The following ZBTB44 variants were observed in gnomAD, a reference collection of about 807,000 sequenced individuals.
ZBTB44 encodes zinc finger and BTB domain-containing protein 44.
In ZBTB44, 15 loss-of-function variants were observed where a neutral mutation model predicts 54.0. That is an observed-to-expected ratio of 0.28 (90% CI 0.19 to 0.43). The LOEUF is 0.43. Ranked by LOEUF, ZBTB44 falls within the 20% of genes least tolerant of loss-of-function variation. The pLI is 1.00. For synonymous variants in ZBTB44, 230 were observed against 250.1 expected, an observed-to-expected ratio of 0.92 and a Z score of 0.76; for missense variants, 487 against 707.1, an observed-to-expected ratio of 0.69 and a Z score of 3.53.
At chr11:130,236,034 T>A in intron 5 of ZBTB44, 1 of 1,050,098 alleles carries the variant, frequency 9.5e-7, no homozygotes, top group South Asian at 2.3e-5. Context: ...CCTACAGAAG[T>A]ACAATTCTTA....
intron 1 of ZBTB44, among the ~76,000 whole-genome samples, chr11:130,279,637 C>T (rs1188047261): frequency 6.6e-6 from 1 of 151,390 alleles, no homozygotes; most frequent in Non-Finnish European, 1.5e-5. Context: ...TCAGCCTGGA[C>T]AACAGAGCGA....
At chr11:130,263,105 G>T (rs1042138827) in intron 1 of ZBTB44, among the ~76,000 whole-genome samples, 6 of 152,194 alleles carry the variant, frequency 3.9e-5, no homozygotes, top group African/African-American at 1.4e-4. Flanking sequence ...AAGACAAAAT[G>T]ATCAATTTGA....
chr11:130,241,517 C>T (rs901365644), intron 2 of ZBTB44, among the ~76,000 whole-genome samples: 3 of 152,138 alleles, frequency 2.0e-5, no homozygotes, highest in Admixed American at 6.5e-5. Context: ...CACATATTTA[C>T]GGAATCTCCC....
intron 1 of ZBTB44, among the ~76,000 whole-genome samples, chr11:130,264,218 AC>A (rs1432340397): frequency 6.6e-6 from 1 of 152,242 alleles, no homozygotes; most frequent in East Asian, 1.9e-4. Flanking sequence ...GTAACTAGTA[AC>A]ATAATCAATG....
intron 1 of ZBTB44, among the ~76,000 whole-genome samples, chr11:130,293,636 A>G (rs970190755): frequency 2.3e-4 from 35 of 151,524 alleles, no homozygotes; most frequent in African/African-American, 4.4e-4. Context: ...AAAAAAAAAA[A>G]AAAGAAAGAA....
At chr11:130,308,630 C>G (rs1942407119) in intron 1 of ZBTB44, among the ~76,000 whole-genome samples, 1 of 152,196 alleles carries the variant, frequency 6.6e-6, no homozygotes, top group Non-Finnish European at 1.5e-5. Context: ...ATTATCAACA[C>G]TGTATTAGTT....
intron 1 of ZBTB44, among the ~76,000 whole-genome samples, chr11:130,287,119 C>G (rs1324012275): frequency 2.6e-5 from 4 of 152,192 alleles, no homozygotes; most frequent in African/African-American, 9.6e-5. Context: ...TAACATACCA[C>G]TACAGAATTT....
rs114141030 is a variant in ZBTB44, at chr11:130,307,482, A to G, written c.-57+6893T>C. ...TTATCACATACCTATCCATCCATCA[A>G]TCCATCTTGATTTTTACTCTACTTT... is the stretch of plus-strand genomic sequence containing the variant. On this transcript the variant is annotated intron_variant, in intron 1 of 7. Transcript: ENST00000357899. Among the ~76,000 whole-genome samples, 392 of 152,104 alleles carry G rather than the reference A, an allele frequency of 2.6e-3. 3 individuals are homozygous for G. Among genetic ancestry groups the G allele is most frequent in the African/African-American group, 9.0e-3 (375 of 41,492 alleles).
chr11:130,245,886 C>A (rs544173067), intron 2 of ZBTB44, among the ~76,000 whole-genome samples: 3 of 152,194 alleles, frequency 2.0e-5, no homozygotes, highest in Non-Finnish European at 4.4e-5. Flanking sequence ...TTGAAAAGAA[C>A]TAAAATGCAG....
At chr11:130,236,123 C>T (rs1220887028) in intron 5 of ZBTB44, 24 of 1,284,390 alleles carry the variant, frequency 1.9e-5, no homozygotes, top group African/African-American at 1.7e-4. Context: ...TTATCTTTCT[C>T]TAAGTTTCAA....
At chr11:130,304,102 A>G (rs2134474977) in intron 1 of ZBTB44, among the ~76,000 whole-genome samples, 1 of 152,308 alleles carries the variant, frequency 6.6e-6, no homozygotes, top group South Asian at 2.1e-4. Flanking sequence ...TACAATCATT[A>G]TTTTAAATCC....
intron 1 of ZBTB44, among the ~76,000 whole-genome samples, chr11:130,274,372 C>A (rs1207452524): frequency 6.6e-6 from 1 of 152,100 alleles, no homozygotes; most frequent in African/African-American, 2.4e-5. Context: ...GCCTAATTTC[C>A]TTACCTAGAG....
rs1591911317 is a variant in ZBTB44, at chr11:130,230,469, C to A, written c.*1295G>T. On this transcript the variant is annotated 3_prime_UTR_variant, in exon 8 of 8. Transcript: ENST00000357899. Reference sequence around the variant, plus strand: ...TAAGAACAAAGGGCATGTGTCGTAACAGGGGATCTAATTACTGTAAGCCAG... The same window carrying A: ...TAAGAACAAAGGGCATGTGTCGTAAAAGGGGATCTAATTACTGTAAGCCAG... The A allele has an allele frequency of 9.0e-6, 1 of 110,756 alleles. No homozygotes were observed. The highest frequency in any genetic ancestry group is 3.5e-5 in the African/African-American group (1 of 28,446). The allele number at this position is 110,756 out of a possible 1,614,324, so 6.9% of individuals were successfully genotyped here.
At chr11:130,238,364 T>C (rs1591926862) in intron 4 of ZBTB44, 80 bp downstream of exon 4, 2 of 1,402,228 alleles carry the variant, frequency 1.4e-6, no homozygotes, top group Non-Finnish European at 9.4e-7. Context: ...CAGAAGCCCC[T>C]GTTTTCTATT....
chr11:130,276,061 A>G (rs1368296498), intron 1 of ZBTB44, among the ~76,000 whole-genome samples: 3 of 151,542 alleles, frequency 2.0e-5, no homozygotes, highest in African/African-American at 7.2e-5. Context: ...CCCCGTCTCT[A>G]CTAAAAATAC....
intron 1 of ZBTB44, chr11:130,295,504 C>T (rs532574255): frequency 2.3e-5 from 16 of 695,670 alleles, no homozygotes; most frequent in Admixed American, 1.2e-4. Flanking sequence ...CAGAAAATAA[C>T]GTAGAGAAGC....
At chr11:130,306,128 G>A (rs1056660875) in intron 1 of ZBTB44, among the ~76,000 whole-genome samples, 2 of 152,190 alleles carry the variant, frequency 1.3e-5, no homozygotes, top group Non-Finnish European at 2.9e-5. Flanking sequence ...TGACTGTGGT[G>A]AAAAGGGAAC....
intron 2 of ZBTB44, among the ~76,000 whole-genome samples, chr11:130,248,427 G>A (rs1273698140): frequency 1.3e-5 from 2 of 151,790 alleles, no homozygotes; most frequent in Non-Finnish European, 2.9e-5. Context: ...GATCACTTGA[G>A]GTCAGGAGTT....
intron 1 of ZBTB44, among the ~76,000 whole-genome samples, chr11:130,290,187 T>C (rs1420884090): frequency 1.3e-5 from 2 of 152,094 alleles, no homozygotes; most frequent in Non-Finnish European, 2.9e-5. Context: ...GAGGAGGTGG[T>C]GTAGCAACGT....
Sources: allele counts gnomAD v4.1 joint callset (sites outside exome capture counted in the v4.1 genomes callset), GRCh38; gene constraint gnomAD v4.1.1; transcripts MANE v1.5; gene names NCBI Gene and HGNC (gene_info 2026-07-23, HGNC 2026-07-21).